SAMD12: variants seen among roughly 807,000 people sequenced by gnomAD.
SAMD12 encodes sterile alpha motif domain containing 12, also known as sterile alpha motif domain-containing protein 12.
In SAMD12, 9 loss-of-function variants were observed where a neutral mutation model predicts 15.0. The observed-to-expected ratio is 0.60, with a 90% CI of 0.36 to 1.05. The LOEUF is 1.05. Among genes scored for constraint, SAMD12 ranks in the 50% least tolerant of loss-of-function variants. SAMD12 has a pLI of 0.01. For synonymous variants in SAMD12, 86 were observed against 90.1 expected (o/e 0.96, Z 0.25); for missense variants, 230 against 234.2 (o/e 0.98, Z 0.12).
At chr8:118,435,763 A>G (rs956019175) in intron 3 of SAMD12, among the ~76,000 whole-genome samples, 1 of 152,258 alleles carries the variant, frequency 6.6e-6, no homozygotes, top group African/African-American at 2.4e-5. Flanking sequence ...ATTTTCAGAA[A>G]AGGTTAAAAT....
chr8:118,596,455 G>A (rs1827726414), intron 1 of SAMD12, among the ~76,000 whole-genome samples: 1 of 152,116 alleles, frequency 6.6e-6, no homozygotes, highest in African/African-American at 2.4e-5. Context: ...CCATTCTAAA[G>A]AACCCTATCC....
At chr8:118,225,326 G>A (rs1270370649) in intron 4 of SAMD12, among the ~76,000 whole-genome samples, 1 of 152,062 alleles carries the variant, frequency 6.6e-6, no homozygotes, top group East Asian at 1.9e-4. Flanking sequence ...CAAACCCAAC[G>A]AGAGCCTTCT....
At chr8:118,430,995 TATTTGAGGCC>T (rs1008616214) in intron 3 of SAMD12, among the ~76,000 whole-genome samples, 41 of 152,162 alleles carry the variant, frequency 2.7e-4, no homozygotes, top group African/African-American at 9.2e-4. Flanking sequence ...TTTAACTGAG[TATTTGAGGCC>T]ATTTCATTTT....
chr8:118,227,963 A>T (rs1283976628), intron 4 of SAMD12, among the ~76,000 whole-genome samples: 1 of 152,228 alleles, frequency 6.6e-6, no homozygotes, highest in Non-Finnish European at 1.5e-5. Context: ...CAGAATAGAG[A>T]ACTCAGAAAT....
At chr8:118,494,158 TGTG>T (rs980373385) in intron 2 of SAMD12, among the ~76,000 whole-genome samples, 3 of 152,046 alleles carry the variant, frequency 2.0e-5, no homozygotes, top group African/African-American at 4.8e-5. Flanking sequence ...GCTCTGAAGA[TGTG>T]GAAGGGGCCG....
At chr8:118,459,057 A>G (rs768695347) in intron 2 of SAMD12, among the ~76,000 whole-genome samples, 5 of 120,892 alleles carry the variant, frequency 4.1e-5, no homozygotes, top group Non-Finnish European at 8.5e-5. Context: ...TACCCAGGAA[A>G]GGTATCAAAC....
intron 2 of SAMD12, among the ~76,000 whole-genome samples, chr8:118,558,847 G>A (rs756224304): frequency 1.1e-4 from 17 of 151,898 alleles, no homozygotes; most frequent in Non-Finnish European, 1.3e-4. Context: ...GTGAGCCACC[G>A]CGCCCGGCCG....
At chr8:118,348,727 G>A (rs1817801647) in intron 4 of SAMD12, among the ~76,000 whole-genome samples, 1 of 152,170 alleles carries the variant, frequency 6.6e-6, no homozygotes, top group Non-Finnish European at 1.5e-5. Context: ...AAGCTGTTTT[G>A]ATCCTTTGCT....
intron 4 of SAMD12, among the ~76,000 whole-genome samples, chr8:118,346,143 G>T (rs943659535): frequency 2.0e-5 from 3 of 151,844 alleles, no homozygotes; most frequent in Non-Finnish European, 4.4e-5. Flanking sequence ...CCTTTAGTAG[G>T]GTTTTCTGAT....
intron 4 of SAMD12, among the ~76,000 whole-genome samples, chr8:118,313,233 C>T (rs1307097864): frequency 6.6e-6 from 1 of 152,172 alleles, no homozygotes; most frequent in Non-Finnish European, 1.5e-5. Flanking sequence ...CCACGTTATG[C>T]CCCTATATTG....
the SAMD12 span, among the ~76,000 whole-genome samples, chr8:118,141,504 G>C: frequency 6.6e-6 from 1 of 152,174 alleles, no homozygotes; most frequent in African/African-American, 2.4e-5. Context: ...CTGAAGCCAA[G>C]GTCTGCTGTC....
chr8:118,528,648 C>T (rs984205711), intron 2 of SAMD12, among the ~76,000 whole-genome samples: 2 of 152,152 alleles, frequency 1.3e-5, no homozygotes, highest in African/African-American at 4.8e-5. Context: ...TGGCCAATGC[C>T]CAGAACCATG....
At chr8:118,316,816 GTTTTTTTT>G (rs35418863) in intron 4 of SAMD12, among the ~76,000 whole-genome samples, 10 of 117,926 alleles carry the variant, frequency 8.5e-5, no homozygotes, top group Non-Finnish European at 1.5e-4. Flanking sequence ...TTAAAAAAAA[GTTTTTTTT>G]TTTTTTTTTT....
chr8:118,415,896 A>G lies in SAMD12; in HGVS notation c.322+23936T>C, dbSNP rs545311731. 2.0e-5 allele frequency among the ~76,000 whole-genome samples: 3 copies of G among 152,310 alleles called. No homozygotes were observed. The South Asian group carries it at 6.2e-4, about 32-fold the overall frequency. ...AGAGAGGGTTTCAACAGACTAATAGAGCCTGAGGCCTCAGATGATGACTCA... is the reference window on the plus strand; with the variant it reads ...AGAGAGGGTTTCAACAGACTAATAGGGCCTGAGGCCTCAGATGATGACTCA... On this transcript the variant is annotated intron_variant, in intron 3 of 3. Transcript: ENST00000314727.
chr8:118,137,734 T>C, the SAMD12 span, among the ~76,000 whole-genome samples: 54 of 152,150 alleles, frequency 3.5e-4, 1 homozygote, highest in Admixed American at 8.5e-4. Context: ...TAAAATACGC[T>C]AACACTAATG....
intron 2 of SAMD12, among the ~76,000 whole-genome samples, chr8:118,461,464 A>T (rs1823421397): frequency 6.6e-6 from 1 of 152,204 alleles, no homozygotes; most frequent in Non-Finnish European, 1.5e-5. Context: ...AAGAACCTCA[A>T]CACTCTTTTC....
intron 3 of SAMD12, among the ~76,000 whole-genome samples, chr8:118,409,965 T>C (rs993470920): frequency 2.6e-5 from 4 of 152,184 alleles, no homozygotes; most frequent in African/African-American, 9.7e-5. Flanking sequence ...TTGTTAACTA[T>C]GAATGTCATC....
At chr8:118,510,548 A>G (rs546205996) in intron 2 of SAMD12, among the ~76,000 whole-genome samples, 1 of 152,324 alleles carries the variant, frequency 6.6e-6, no homozygotes, top group African/African-American at 2.4e-5. Context: ...TGGCAACACA[A>G]TTCCAGGAGG....
At chr8:118,469,992 C>G (rs1461698394) in intron 2 of SAMD12, among the ~76,000 whole-genome samples, 2 of 152,092 alleles carry the variant, frequency 1.3e-5, no homozygotes, top group African/African-American at 4.8e-5. Context: ...TTTATATATA[C>G]ACACGCACAT....
Sources: allele counts gnomAD v4.1 joint callset (sites outside exome capture counted in the v4.1 genomes callset), GRCh38; gene constraint gnomAD v4.1.1; transcripts MANE v1.5; gene names NCBI Gene and HGNC (gene_info 2026-07-23, HGNC 2026-07-21).